Variants in RB1 observed in about 807,000 individuals in gnomAD.
RB1 encodes retinoblastoma-associated protein.
Under a neutral mutation model 135.4 loss-of-function variants are expected in RB1, and 18 were observed. The observed-to-expected ratio is 0.13, with a 90% CI of 0.09 to 0.20. The LOEUF (loss-of-function observed/expected upper bound fraction) is 0.20. Among genes scored for constraint, RB1 ranks in the 10% least tolerant of loss-of-function variants. The pLI is 1.00. For missense variants in RB1, 868 were observed against 1,110.0 expected (o/e 0.78, Z 3.10); for synonymous variants, 365 against 373.2 (o/e 0.98, Z 0.25).
chr13:48,438,177 T>C (rs1324995651), intron 17 of RB1, among the ~76,000 whole-genome samples: 1 of 152,188 alleles, frequency 6.6e-6, no homozygotes, highest in Non-Finnish European at 1.5e-5. Context: ...ATTTTAGCAT[T>C]ATGGAAAGAA....
intron 17 of RB1, among the ~76,000 whole-genome samples, chr13:48,398,433 T>C (rs1181213226): frequency 6.6e-6 from 1 of 152,130 alleles, no homozygotes; most frequent in African/African-American, 2.4e-5. Flanking sequence ...TATGTCTATT[T>C]TTCCATTACT....
intron 17 of RB1, among the ~76,000 whole-genome samples, chr13:48,382,521 T>C (rs565371315): frequency 0.03 from 4,629 of 152,118 alleles, 230 homozygotes; most frequent in African/African-American, 0.1. Flanking sequence ...TGTTCATATC[T>C]TTCACCCACT....
intron 10 of RB1, among the ~76,000 whole-genome samples, chr13:48,368,288 A>C (rs534728364): frequency 6.6e-6 from 1 of 152,280 alleles, no homozygotes; most frequent in African/African-American, 2.4e-5. Flanking sequence ...AAAAAGACTT[A>C]ATGATTGGTA....
At chr13:48,440,624 G>A (rs991786966) in intron 17 of RB1, among the ~76,000 whole-genome samples, 5 of 152,094 alleles carry the variant, frequency 3.3e-5, no homozygotes, top group Non-Finnish European at 5.9e-5. Context: ...TTATGATCAA[G>A]GGCTAGAGTC....
At chr13:48,401,293 C>T (rs1948689855) in intron 17 of RB1, 1 of 152,096 alleles carries the variant, frequency 6.6e-6, no homozygotes, top group Non-Finnish European at 1.5e-5. Context: ...AGTTTGTAAA[C>T]TTACAGTCAA....
rs61503219 is a variant in RB1 at position 48,346,370 on chromosome 13, ATGTGTGTGTGTGTGTGTGTGTG to A, written c.500+1194_500+1215del. On this transcript the variant is annotated intron_variant, in intron 4 of 26. Transcript: ENST00000267163. The stretch of plus-strand genomic sequence containing the variant: ...TCACATTGAGTAGAATATTATATAT[ATGTGTGTGTGTGTGTGTGTGTG>A]TGTGTGTGTGTGTGTGTGTGTGGCT... Among the ~76,000 whole-genome samples the A allele has an allele frequency of 9.9e-5, 13 of 131,132 alleles. No individual in the cohort carries two copies. In the East Asian group the frequency reaches 2.3e-3, roughly 23 times the overall value. The allele number at this position is 131,132 out of a possible 152,430, so 86.0% of individuals were successfully genotyped here.
At chr13:48,331,372 A>G (rs561954875) in intron 2 of RB1, among the ~76,000 whole-genome samples, 1 of 152,340 alleles carries the variant, frequency 6.6e-6, no homozygotes, top group East Asian at 1.9e-4. Context: ...CCAATATGGT[A>G]GTATTAAAGA....
At chr13:48,348,121 T>C (rs928489244) in intron 5 of RB1, among the ~76,000 whole-genome samples, 1 of 151,958 alleles carries the variant, frequency 6.6e-6, no homozygotes, top group Non-Finnish European at 1.5e-5. Context: ...CTGAGAAAAA[T>C]GCAACAAATG....
chr13:48,317,084 G>T, intron 2 of RB1: 1 of 867,744 alleles, frequency 1.2e-6, no homozygotes. Context: ...GCCAGGGCCC[G>T]CCGTCCTTCT....
At chr13:48,439,454 G>A (rs1267230053) in intron 17 of RB1, among the ~76,000 whole-genome samples, 3 of 152,198 alleles carry the variant, frequency 2.0e-5, no homozygotes, top group South Asian at 2.1e-4. Flanking sequence ...TCGAAATCAG[G>A]CATGATAGAA....
chr13:48,396,958 C>G (rs888651885), intron 17 of RB1, among the ~76,000 whole-genome samples: 3 of 152,134 alleles, frequency 2.0e-5, no homozygotes, highest in Non-Finnish European at 4.4e-5. Flanking sequence ...CCATCTCATG[C>G]CAGTTAGAAT....
chr13:48,474,208 A>G (rs1949490220), intron 24 of RB1, among the ~76,000 whole-genome samples: 1 of 152,128 alleles, frequency 6.6e-6, no homozygotes, highest in South Asian at 2.1e-4. Flanking sequence ...TTATATAGGC[A>G]TAATTGATTA....
intron 2 of RB1, chr13:48,317,171 C>G (rs1049000467): frequency 1.6e-6 from 1 of 638,736 alleles, no homozygotes; most frequent in Non-Finnish European, 2.3e-6. Context: ...AGGACGGGCC[C>G]TGTGGAGGCA....
intron 2 of RB1, among the ~76,000 whole-genome samples, chr13:48,309,772 G>A (rs2854361): frequency 0.93 from 141,690 of 152,256 alleles, 66,393 homozygotes; most frequent in East Asian, 1. Context: ...TTTCCAGCCT[G>A]GTTCACATAA....
At chr13:48,361,892 G>A (rs990899505) in intron 7 of RB1, among the ~76,000 whole-genome samples, 4 of 147,208 alleles carry the variant, frequency 2.7e-5, no homozygotes, top group Non-Finnish European at 4.5e-5. Context: ...CTTGTAAGTT[G>A]TTGATTGGAT....
intron 2 of RB1, among the ~76,000 whole-genome samples, chr13:48,323,958 C>T (rs1361390838): frequency 6.6e-6 from 1 of 151,974 alleles, no homozygotes; most frequent in African/African-American, 2.4e-5. Flanking sequence ...TTTACTTTCA[C>T]AATTATAAGT....
intron 1 of RB1, among the ~76,000 whole-genome samples, chr13:48,304,551 C>T (rs1041952077): frequency 5.3e-5 from 8 of 152,036 alleles, no homozygotes; most frequent in African/African-American, 1.9e-4. Context: ...ACCAGAAAGC[C>T]TTGGACAAGA....
At chr13:48,329,821 A>G (rs747159689) in intron 2 of RB1, among the ~76,000 whole-genome samples, 2 of 152,186 alleles carry the variant, frequency 1.3e-5, no homozygotes, top group Non-Finnish European at 2.9e-5. Context: ...AGATGGTGGA[A>G]TAGTAGCGCT....
chr13:48,460,667 C>T (rs1238237395), intron 20 of RB1, among the ~76,000 whole-genome samples: 2 of 152,034 alleles, frequency 1.3e-5, no homozygotes, highest in Non-Finnish European at 2.9e-5. Context: ...TTAATAAGAA[C>T]AATATACTTT....
Sources: gnomAD v4.1 joint callset for allele counts (sites outside exome capture counted in the v4.1 genomes callset) on GRCh38, gnomAD v4.1.1 for gene constraint, MANE v1.5 for transcripts, NCBI Gene and HGNC (gene_info 2026-07-23, HGNC 2026-07-21) for gene names.